The following CNTN4 variants were observed in gnomAD, a reference collection of about 807,000 sequenced individuals.
CNTN4 encodes the protein contactin 4, also known as contactin-4.
A neutral mutation model predicts 122.5 loss-of-function variants in CNTN4; 77 were observed. The ratio of observed to expected loss-of-function variants is 0.63; its 90% CI spans 0.52 to 0.76. The LOEUF is 0.76. CNTN4 is among the 30% of genes least tolerant of loss of function. The pLI is 0.00. For missense variants in CNTN4, 1,256 were observed against 1,259.1 expected (o/e 1.00, Z 0.04); for synonymous variants, 512 against 447.0 (o/e 1.15, Z -1.83).
intron 3 of CNTN4, among the ~76,000 whole-genome samples, chr3:2,476,569 C>T (rs564069688): frequency 2.0e-5 from 3 of 152,070 alleles, no homozygotes; most frequent in Non-Finnish European, 4.4e-5. Flanking sequence ...AAACCAGATG[C>T]GTTGTATGAT....
chr3:2,855,384 A>G (rs2093607148), intron 7 of CNTN4, among the ~76,000 whole-genome samples: 1 of 152,216 alleles, frequency 6.6e-6, no homozygotes, highest in Admixed American at 6.5e-5. Context: ...AATTTTCTAT[A>G]TCTCACTTTC....
chr3:3,039,912 A>G (rs1281995767), intron 19 of CNTN4, 125 bp from the exon 20 acceptor site: 2 of 741,510 alleles, frequency 2.7e-6, no homozygotes, highest in Non-Finnish European at 2.4e-6. Flanking sequence ...AAGACTGTTA[A>G]CAAAACGCCA....
chr3:2,803,085 T>A (rs1250582529), intron 6 of CNTN4, among the ~76,000 whole-genome samples: 1 of 152,130 alleles, frequency 6.6e-6, no homozygotes, highest in Non-Finnish European at 1.5e-5. Flanking sequence ...AGAACTCCAA[T>A]GAGTCAGTAA....
At chr3:2,456,009 A>G (rs1022488699) in intron 3 of CNTN4, among the ~76,000 whole-genome samples, 1 of 152,118 alleles carries the variant, frequency 6.6e-6, no homozygotes, top group Non-Finnish European at 1.5e-5. Context: ...GGCACAGTAG[A>G]TTATTTAATC....
chr3:2,787,022 A>G (rs1041052172), intron 6 of CNTN4, among the ~76,000 whole-genome samples: 1 of 152,200 alleles, frequency 6.6e-6, no homozygotes, highest in African/African-American at 2.4e-5. Flanking sequence ...TAGTTGGTTC[A>G]TGCTATGAAC....
chr3:2,914,675 A>C (rs768925071), intron 12 of CNTN4, among the ~76,000 whole-genome samples: 3 of 152,210 alleles, frequency 2.0e-5, no homozygotes, highest in Non-Finnish European at 2.9e-5. Flanking sequence ...CCCTGGACCA[A>C]ATGCCTCAGT....
chr3:2,902,256 A>G (rs2094182603), intron 11 of CNTN4, among the ~76,000 whole-genome samples: 1 of 152,116 alleles, frequency 6.6e-6, no homozygotes, highest in African/African-American at 2.4e-5. Context: ...AGTGACAAAT[A>G]AGGAGGATCT....
chr3:2,781,587 G>C (rs993026671), intron 6 of CNTN4, among the ~76,000 whole-genome samples: 2 of 152,086 alleles, frequency 1.3e-5, no homozygotes, highest in African/African-American at 4.8e-5. Context: ...AAGTGGTCGG[G>C]GTGCAGCTTG....
At chr3:2,460,544 T>G (rs2049166269) in intron 3 of CNTN4, among the ~76,000 whole-genome samples, 1 of 152,140 alleles carries the variant, frequency 6.6e-6, no homozygotes, top group Non-Finnish European at 1.5e-5. Flanking sequence ...ATATTTCTCC[T>G]CTGACGTACA....
chr3:2,573,414 C>T (rs1006542782), intron 4 of CNTN4, among the ~76,000 whole-genome samples: 4 of 152,104 alleles, frequency 2.6e-5, no homozygotes, highest in Admixed American at 1.3e-4. Flanking sequence ...AGCAGTATGC[C>T]CAGGCTCTAA....
At chr3:2,871,957 TG>T (rs1291383208) in intron 8 of CNTN4, among the ~76,000 whole-genome samples, 2 of 152,204 alleles carry the variant, frequency 1.3e-5, no homozygotes, top group Admixed American at 1.3e-4. Flanking sequence ...ATAACTGATT[TG>T]GGAAAGTACA....
chr3:2,731,456 A>T (rs1475553730), intron 4 of CNTN4, among the ~76,000 whole-genome samples: 3 of 152,208 alleles, frequency 2.0e-5, no homozygotes, highest in Non-Finnish European at 4.4e-5. Context: ...AAATCATGAA[A>T]TCATGATGTA....
At chr3:2,275,931 A>C (rs765376160) in intron 2 of CNTN4, among the ~76,000 whole-genome samples, 14,345 of 101,236 alleles carry the variant, frequency 0.14, 828 homozygotes, top group Middle Eastern at 0.21. Flanking sequence ...AAAAAAAAAA[A>C]AAAAAACAAA....
chr3:3,022,725 G>T (rs773921820), intron 14 of CNTN4, among the ~76,000 whole-genome samples: 3 of 152,050 alleles, frequency 2.0e-5, no homozygotes, highest in Admixed American at 6.5e-5. Context: ...GAAAGTAAAA[G>T]AATTTTTTTT....
Position 2,270,247 on chromosome 3 carries a change from C to G in CNTN4, c.-144-68931C>G, listed in dbSNP as rs1403744581. ...TACAGGCGTGAGCCACCGCGCCCGG[C>G]CTATTTATTTATTTACTTTAACTTT... is the stretch of plus-strand genomic sequence containing the variant. On this transcript the variant is annotated intron_variant, in intron 2 of 24. Coordinates refer to ENST00000418658, the MANE Select transcript of CNTN4 (RefSeq NM_175607.3). Among the ~76,000 whole-genome samples the G allele has an allele frequency of 5.5e-5, 2 of 36,666 alleles. 1 individual carries two copies. The highest frequency in any genetic ancestry group is 7.4e-4 in the Admixed American group (2 of 2,698). 24.1% of individuals were successfully genotyped at this position (36,666 alleles called of 152,430 possible). A position where few individuals can be genotyped will look rare whatever the true frequency, so the allele number is the denominator to read the frequency against.
At position 2,998,594 on chromosome 3, in the gene CNTN4, G is replaced by A. The variant is rs1021137515; in HGVS notation, c.1486+10122G>A. On this transcript the variant is annotated intron_variant, in intron 14 of 24. Coordinates refer to ENST00000418658, the MANE Select transcript of CNTN4 (RefSeq NM_175607.3). ...CAAAGGGAGGCAAAACTAACTAAGAGGTAAAGGTGACAATTGAACAGGGAA... is the reference window on the plus strand; with the variant it reads ...CAAAGGGAGGCAAAACTAACTAAGAAGTAAAGGTGACAATTGAACAGGGAA... 4.6e-5 allele frequency among the ~76,000 whole-genome samples: 7 copies of A among 152,054 alleles called. No individual in the cohort carries two copies. The East Asian group carries it at 1.2e-3, about 25-fold the overall frequency.
At chr3:2,457,890 T>A (rs2049058595) in intron 3 of CNTN4, among the ~76,000 whole-genome samples, 1 of 152,146 alleles carries the variant, frequency 6.6e-6, no homozygotes, top group Admixed American at 6.6e-5. Context: ...ACTCTGCCAC[T>A]TGGCCATGCT....
At chr3:2,355,413 A>G (rs1345774353) in intron 3 of CNTN4, among the ~76,000 whole-genome samples, 1 of 152,140 alleles carries the variant, frequency 6.6e-6, no homozygotes, top group Non-Finnish European at 1.5e-5. Context: ...AGAAACAGAA[A>G]CCCTCTTAAT....
intron 4 of CNTN4, among the ~76,000 whole-genome samples, chr3:2,729,340 G>A (rs572723843): frequency 5.3e-5 from 8 of 151,302 alleles, no homozygotes; most frequent in South Asian, 2.1e-4. Flanking sequence ...CAAGGCGGGC[G>A]GATCACGAGG....
Sources: allele counts gnomAD v4.1 joint callset (sites outside exome capture counted in the v4.1 genomes callset), GRCh38; gene constraint gnomAD v4.1.1; transcripts MANE v1.5; gene names NCBI Gene and HGNC (gene_info 2026-07-23, HGNC 2026-07-21).